The following CEP72 variants were observed in gnomAD, a reference collection of about 807,000 sequenced individuals.
CEP72 encodes the protein centrosomal protein of 72 kDa.
CEP72 carries 78 observed loss-of-function variants against 65.7 expected under a neutral mutation model. The ratio of observed to expected loss-of-function variants is 1.19; its 90% CI spans 0.99 to 1.43. CEP72 has a LOEUF of 1.43. Among genes scored for constraint, CEP72 ranks in the 40% most tolerant of loss-of-function variants. The probability of loss-of-function intolerance (pLI) is 0.00; values close to 1 mark genes in which losing one functional copy is unlikely to be tolerated. For missense variants in CEP72, 914 were observed against 832.9 expected (o/e 1.10, Z -1.20); for synonymous variants, 358 against 351.7 (o/e 1.02, Z -0.20).
In CEP72 at chr5:633,869, G is replaced by C; in HGVS notation, c.613G>C (p.Glu205Gln). 1 of 1,613,778 alleles carries C rather than the reference G, an allele frequency of 6.2e-7. No individual in the cohort carries two copies. ...EAVLNLIAECEWDLGRPPGST... is the reference protein window; with the variant it reads ...EAVLNLIAECQWDLGRPPGST... ...AGTCCTGAACCTCATTGCAGAGTGC[G>C]AGTGGGACCTCGGCAGGCCTCCCGG... Residue 205 changes from glutamate (E) to glutamine (Q), a missense_variant, in exon 5 of 12, where the codon GAG becomes CAG. Physicochemically the swap from Glu to Gln is conservative, Grantham distance 29 (BLOSUM62 2). Coordinates refer to ENST00000264935, the MANE Select transcript of CEP72 (RefSeq NM_018140.4).
At chr5:648,874 CTGTG>C (rs1355081710) in intron 11 of CEP72, among the ~76,000 whole-genome samples, 4 of 85,106 alleles carry the variant, frequency 4.7e-5, no homozygotes, top group Non-Finnish European at 9.2e-5. Flanking sequence ...TGAGGTGTGA[CTGTG>C]AGGTGTGACT....
intron 1 of CEP72, chr5:663,307 G>C (rs1318461447): frequency 1.3e-5 from 2 of 152,424 alleles, no homozygotes; most frequent in Non-Finnish European, 2.9e-5. Flanking sequence ...GGTTCAGCGG[G>C]GGCACAGGGC....
intron 3 of CEP72, among the ~76,000 whole-genome samples, chr5:620,963 A>T (rs559818811): frequency 1.3e-5 from 2 of 152,178 alleles, no homozygotes; most frequent in Non-Finnish European, 2.9e-5. Flanking sequence ...CGAGTCACAG[A>T]TCCAGGAGAG....
chr5:664,673 G>A (rs542324621), intron 2 of CEP72: 118 of 178,914 alleles, frequency 6.6e-4, no homozygotes, highest in African/African-American at 2.7e-3. Context: ...GGCCAATTCC[G>A]TGTTAGTTGC....
chr5:675,604 A>T, the CEP72 span, among the ~76,000 whole-genome samples: 1 of 146,118 alleles, frequency 6.8e-6, no homozygotes, highest in East Asian at 2.0e-4. Context: ...CATGGGGGGT[A>T]CAGTGTGGCC....
the CEP72 span, among the ~76,000 whole-genome samples, chr5:675,486 GTACATTGTGGCCGGGGC>G: frequency 1.6e-4 from 22 of 141,490 alleles, no homozygotes; most frequent in Admixed American, 2.8e-4. Flanking sequence ...GTGGCCAGGG[GTACATTGTGGCCGGGGC>G]TGCAGTGTGA....
At position 612,368 on chromosome 5, in the gene CEP72, CG is replaced by C; in HGVS notation, c.10del (p.Ala4LeufsTer7). ...CGAGGGCTCCGTTTGAAACATGGCG[CG>C]GGCTGGCCCTCGGCTGGTGCTGAGC... The part of the protein sequence containing the change: MA[R>X]AGPRLVLSEE... On this transcript the variant is annotated frameshift_variant, in exon 1 of 12. Coordinates refer to ENST00000264935, the MANE Select transcript of CEP72 (RefSeq NM_018140.4). LOFTEE classifies it high-confidence loss of function. The C allele has an allele frequency of 1.3e-6, 2 of 1,489,172 alleles. No homozygotes were observed. The allele number at this position is 1,489,172 out of a possible 1,614,324, so 92.2% of individuals were successfully genotyped here. A position where few individuals can be genotyped will look rare whatever the true frequency, so the allele number is the denominator to read the frequency against.
At chr5:672,791 C>T in the CEP72 span, among the ~76,000 whole-genome samples, 4 of 152,240 alleles carry the variant, frequency 2.6e-5, no homozygotes, top group East Asian at 1.9e-4. Flanking sequence ...AAGCTGCCAC[C>T]GCACGCTCTT....
downstream of CEP72, among the ~76,000 whole-genome samples, chr5:669,756 G>T: frequency 6.6e-6 from 1 of 152,174 alleles, no homozygotes; most frequent in East Asian, 2.0e-4. Flanking sequence ...AAGGGCGCCC[G>T]GGTCTCTGCC....
downstream of CEP72, among the ~76,000 whole-genome samples, chr5:657,333 A>C (rs1739405447): frequency 1.3e-5 from 2 of 152,136 alleles, no homozygotes; most frequent in South Asian, 4.1e-4. Context: ...TGCGTGCTCT[A>C]GTACAGTGGT....
rs775015718 is a variant in CEP72 at position 645,877 on chromosome 5, G to A, written c.1666+1452G>A. ...TGTGACTAGAAATTGCTGTGTGAGCGTCACTCCTGCTCCCGTCGGCGGCCT... is the reference window on the plus strand; with the variant it reads ...TGTGACTAGAAATTGCTGTGTGAGCATCACTCCTGCTCCCGTCGGCGGCCT... On this transcript the variant is annotated intron_variant, in intron 10 of 11. Coordinates refer to ENST00000264935, the MANE Select transcript of CEP72 (RefSeq NM_018140.4). This position sits in a 1 kb window ranked among gnomAD's most constrained non-coding sequence, Gnocchi z 4.0. 2.6e-5 allele frequency among the ~76,000 whole-genome samples: 4 copies of A among 152,236 alleles called. No individual in the cohort carries two copies. The highest frequency in any genetic ancestry group is 4.4e-5 in the Non-Finnish European group (3 of 68,046).
intron 1 of CEP72, 37 bp downstream of exon 1, chr5:612,480 T>TGGGG: frequency 1.9e-6 from 1 of 525,118 alleles, no homozygotes; most frequent in Admixed American, 4.5e-5. Context: ...AAGCGTGAGG[T>TGGGG]GGCGGGGGGG....
intron 1 of CEP72, among the ~76,000 whole-genome samples, chr5:614,663 A>C (rs931309203): frequency 2.0e-5 from 3 of 151,790 alleles, no homozygotes; most frequent in Non-Finnish European, 4.4e-5. Flanking sequence ...GCCCGGCCTG[A>C]CCTGTGGATT....
chr5:639,090 C>T lies in CEP72; in HGVS notation c.1208C>T (p.Pro403Leu), dbSNP rs750519417. ...RSRGVTDTRE[P>L]SPGSHSALPG... ...CTCATGCTGTTGTTTCCATCACAGC[C>T]GTCTCCCGGGTCACACTCGGCTCTA... is the stretch of plus-strand genomic sequence containing the variant. Residue 403 changes from proline (P) to leucine (L), a missense_variant and splice_region_variant, in exon 8 of 12, where the codon CCG becomes CTG. Coordinates refer to ENST00000264935, the MANE Select transcript of CEP72 (RefSeq NM_018140.4). The T allele has an allele frequency of 1.4e-5, 23 of 1,613,312 alleles. No homozygotes were observed. Among genetic ancestry groups the T allele is most frequent in the African/African-American group, 1.3e-4 (10 of 75,058 alleles).
chr5:671,853 G>C (rs558790324), downstream of CEP72, among the ~76,000 whole-genome samples: 4 of 152,228 alleles, frequency 2.6e-5, no homozygotes, highest in African/African-American at 9.6e-5. Context: ...AGCAATGGAG[G>C]GACAGGGTTG....
downstream of CEP72, among the ~76,000 whole-genome samples, chr5:656,327 T>C (rs1739378094): frequency 6.6e-6 from 1 of 152,114 alleles, no homozygotes; most frequent in Admixed American, 6.6e-5. Context: ...GCCGGTCGAG[T>C]TGGGATTTTG....
intron 10 of CEP72, among the ~76,000 whole-genome samples, 154 bp from the exon 11 acceptor site, chr5:647,651 C>T (rs1163874213): frequency 1.3e-5 from 2 of 152,208 alleles, no homozygotes; most frequent in African/African-American, 4.8e-5. Context: ...TTCATGCTCG[C>T]CCTGTCTTTG....
intron 8 of CEP72, among the ~76,000 whole-genome samples, chr5:640,162 C>T (rs975852637): frequency 3.3e-5 from 5 of 152,184 alleles, no homozygotes; most frequent in African/African-American, 7.2e-5. Flanking sequence ...AACCTTGAGA[C>T]GTGGCGGCCC....
rs201256785 is a variant in CEP72 at position 637,596 on chromosome 5, C to T, written c.984C>T (p.Ala328=). Residue 328 remains alanine, a synonymous_variant, in exon 7 of 12, where the codon GCC becomes GCT. Coordinates refer to ENST00000264935, the MANE Select transcript of CEP72 (RefSeq NM_018140.4). ...AAATGGTGCCTGGTCCCCTGCCAGC[C>T]CCCGGAAAGTGCAGGAAGCGAAGAA... ...SGEMVPGPLP[A]PGKCRKRRMP... 1 of 1,614,064 alleles carries T rather than the reference C, an allele frequency of 6.2e-7. No homozygotes were observed. Among genetic ancestry groups the T allele is most frequent in the East Asian group, 2.2e-5 (1 of 44,888 alleles).
Sources: allele counts gnomAD v4.1 joint callset (sites outside exome capture counted in the v4.1 genomes callset), GRCh38; gene constraint gnomAD v4.1.1; non-coding constraint Gnocchi (gnomAD v3.1); transcripts MANE v1.5; gene names NCBI Gene and HGNC (gene_info 2026-07-23, HGNC 2026-07-21).